THSD4: variants seen among roughly 807,000 people sequenced by gnomAD.
THSD4 encodes the protein thrombospondin type 1 domain containing 4.
Under a neutral mutation model 119.0 loss-of-function variants are expected in THSD4, and 69 were observed. The observed-to-expected ratio is 0.58, with a 90% CI of 0.48 to 0.71. THSD4 has a LOEUF of 0.71. THSD4 is among the 30% of genes least tolerant of loss of function. The pLI, the probability that THSD4 is intolerant of heterozygous loss-of-function variation, is 0.00. For missense variants in THSD4, 1,393 were observed against 1,391.1 expected, an observed-to-expected ratio of 1.00 and a Z score of -0.02; for synonymous variants, 524 against 540.4, an observed-to-expected ratio of 0.97 and a Z score of 0.42.
chr15:71,627,884 G>C (rs1259185952), intron 7 of THSD4, among the ~76,000 whole-genome samples: 1 of 152,146 alleles, frequency 6.6e-6, no homozygotes, highest in African/African-American at 2.4e-5. Context: ...AACTTCATGT[G>C]GGGGTTACCA....
chr15:71,276,717 T>C (rs1364885270), intron 6 of THSD4, among the ~76,000 whole-genome samples: 1 of 152,264 alleles, frequency 6.6e-6, no homozygotes, highest in Non-Finnish European at 1.5e-5. Context: ...TCATTATATT[T>C]GACTACAAAT....
chr15:71,441,397 A>ATT (rs1215547880), intron 7 of THSD4, among the ~76,000 whole-genome samples: 9,932 of 73,182 alleles, frequency 0.14, 1,139 homozygotes, highest in East Asian at 0.29. Context: ...CACCTGTAGA[A>ATT]TTTTTTTTTT....
At chr15:71,097,785 GT>G (rs1362253768) in intron 1 of THSD4, among the ~76,000 whole-genome samples, 1 of 149,676 alleles carries the variant, frequency 6.7e-6, no homozygotes, top group Non-Finnish European at 1.5e-5. Flanking sequence ...AATCTGTAAT[GT>G]TCATTGCTCT....
At chr15:71,512,973 C>G (rs1207525349) in intron 7 of THSD4, among the ~76,000 whole-genome samples, 2 of 152,066 alleles carry the variant, frequency 1.3e-5, no homozygotes, top group East Asian at 3.9e-4. Flanking sequence ...AGCTCAAAAC[C>G]CAGTGTTTTA....
At chr15:71,140,036 T>A (rs1020917155) in intron 1 of THSD4, among the ~76,000 whole-genome samples, 8 of 152,258 alleles carry the variant, frequency 5.3e-5, no homozygotes, top group African/African-American at 1.9e-4. Context: ...GAAATTTTGT[T>A]TAGTGAGGGC....
intron 6 of THSD4, among the ~76,000 whole-genome samples, chr15:71,347,497 C>T (rs1174580567): frequency 6.6e-6 from 1 of 152,186 alleles, no homozygotes; most frequent in East Asian, 1.9e-4. Flanking sequence ...TACTTTCTAT[C>T]TATATACATT....
In THSD4 at chr15:71,731,120, G is replaced by A; in HGVS notation, c.1534-1G>A. On this transcript the variant is annotated splice_acceptor_variant, in intron 9 of 17. Transcript: ENST00000261862. LOFTEE classifies it high-confidence loss of function. The stretch of plus-strand genomic sequence containing the variant: ...GGTAACACTGATTTTTGTGTCAGCA[G>A]ATGATACACCAGCAGCCAAACCCAG... The A allele has an allele frequency of 6.2e-7, 1 of 1,614,114 alleles. No individual in the cohort carries two copies. Among genetic ancestry groups the A allele is most frequent in the Non-Finnish European group, 8.5e-7 (1 of 1,179,998 alleles).
chr15:71,650,987 T>G (rs889375464), intron 7 of THSD4, among the ~76,000 whole-genome samples: 1 of 152,236 alleles, frequency 6.6e-6, no homozygotes, highest in African/African-American at 2.4e-5. Context: ...CATAGGGTTT[T>G]AGAGGAAAAT....
intron 1 of THSD4, among the ~76,000 whole-genome samples, chr15:71,099,196 T>C (rs1322184626): frequency 6.6e-6 from 1 of 152,208 alleles, no homozygotes; most frequent in African/African-American, 2.4e-5. Flanking sequence ...AAGAGTTGTA[T>C]TGTGCATCAG....
intron 7 of THSD4, among the ~76,000 whole-genome samples, chr15:71,651,860 A>C (rs556741845): frequency 8.5e-5 from 13 of 152,296 alleles, no homozygotes; most frequent in Admixed American, 3.3e-4. Context: ...ACCCTCTTGC[A>C]AAGGCTTAGA....
chr15:71,597,635 C>A (rs1567054763), intron 7 of THSD4, among the ~76,000 whole-genome samples: 1 of 152,192 alleles, frequency 6.6e-6, no homozygotes, highest in Non-Finnish European at 1.5e-5. Flanking sequence ...GAGAAGACTC[C>A]TGGTCAAACC....
rs565752354 is a variant in THSD4 at position 71,604,596 on chromosome 15, C to T, written c.1153-55934C>T. Among the ~76,000 whole-genome samples the T allele has an allele frequency of 5.9e-5, 9 of 152,330 alleles. No individual in the cohort carries two copies. The South Asian group carries it at 1.2e-3, about 21-fold the overall frequency. On this transcript the variant is annotated intron_variant, in intron 7 of 17. Coordinates refer to ENST00000261862, the MANE Select transcript of THSD4 (RefSeq NM_024817.3). ...ATTCTAATGCAAGGTAAGACACCCA[C>T]ACAAGTACCTGGTGAAATGTGTATT...
chr15:71,699,850 G>A (rs572703489), intron 8 of THSD4, among the ~76,000 whole-genome samples: 13 of 152,118 alleles, frequency 8.5e-5, no homozygotes, highest in East Asian at 3.9e-4. Flanking sequence ...TATCTATTAC[G>A]CACCAAGATG....
At chr15:71,105,395 T>A (rs1023795211) in intron 1 of THSD4, among the ~76,000 whole-genome samples, 9 of 152,320 alleles carry the variant, frequency 5.9e-5, no homozygotes, top group Admixed American at 2.6e-4. Flanking sequence ...GGGGTACCCC[T>A]CTCTCCCAGA....
chr15:71,713,971 TAGA>T (rs902452421), intron 8 of THSD4, among the ~76,000 whole-genome samples: 2 of 151,966 alleles, frequency 1.3e-5, no homozygotes, highest in African/African-American at 4.8e-5. Flanking sequence ...CAATGTGGAG[TAGA>T]AGGTGAGCCA....
chr15:71,730,405 A>G (rs186220543), intron 9 of THSD4: 8 of 152,328 alleles, frequency 5.3e-5, no homozygotes, highest in African/African-American at 1.7e-4. Flanking sequence ...TCTAAATCCA[A>G]TAGGGAGGGA....
At chr15:71,620,436 AAAT>A (rs778457625) in intron 7 of THSD4, among the ~76,000 whole-genome samples, 52 of 152,108 alleles carry the variant, frequency 3.4e-4, no homozygotes, top group African/African-American at 1.2e-3. Flanking sequence ...TTACAAAAAA[AAAT>A]AATAATAATA....
chr15:71,388,242 G>A (rs2046318746), intron 6 of THSD4, among the ~76,000 whole-genome samples: 1 of 152,172 alleles, frequency 6.6e-6, no homozygotes, highest in Non-Finnish European at 1.5e-5. Context: ...TGCTTGGTTT[G>A]TTCCCTTTAG....
intron 5 of THSD4, among the ~76,000 whole-genome samples, chr15:71,249,514 A>G (rs1028501887): frequency 1.3e-5 from 2 of 151,694 alleles, no homozygotes; most frequent in Admixed American, 6.6e-5. Context: ...CTTCATATAT[A>G]TATACACACA....
Sources: allele counts gnomAD v4.1 joint callset (sites outside exome capture counted in the v4.1 genomes callset), GRCh38; gene constraint gnomAD v4.1.1; transcripts MANE v1.5; gene names NCBI Gene and HGNC (gene_info 2026-07-23, HGNC 2026-07-21).